Variants in LDLRAD4 observed in about 807,000 individuals in gnomAD.
The protein encoded by LDLRAD4 is low density lipoprotein receptor class A domain containing 4, also known as low-density lipoprotein receptor class A domain-containing protein 4.
LDLRAD4 carries 5 observed loss-of-function variants against 17.0 expected under a neutral mutation model. The observed-to-expected ratio is 0.29, with a 90% CI of 0.15 to 0.62. The LOEUF (loss-of-function observed/expected upper bound fraction) is 0.62, where lower values mean the gene tolerates loss of function less well. Ranked by LOEUF, LDLRAD4 falls within the 20% of genes least tolerant of loss-of-function variation. The pLI is 0.84. For synonymous variants in LDLRAD4, 168 were observed against 171.8 expected (o/e 0.98, Z 0.17); for missense variants, 340 against 424.7 (o/e 0.80, Z 1.75).
At chr18:13,485,858 G>A (rs544085920) in intron 3 of LDLRAD4, among the ~76,000 whole-genome samples, 10 of 152,298 alleles carry the variant, frequency 6.6e-5, no homozygotes, top group Admixed American at 6.5e-4. Flanking sequence ...CAGCCTGGGC[G>A]ACAGAGCAAG....
At chr18:13,475,725 C>A (rs904816249) in intron 3 of LDLRAD4, among the ~76,000 whole-genome samples, 27 of 152,152 alleles carry the variant, frequency 1.8e-4, no homozygotes, top group African/African-American at 5.3e-4. Flanking sequence ...ATCAGGAGTA[C>A]ATATGAAACA....
rs373454201 is a variant in LDLRAD4 at position 13,621,131 on chromosome 18, G to A, written c.196G>A (p.Ala66Thr). Residue 66 changes from alanine (A) to threonine (T), a missense_variant, in exon 4 of 6, where the codon GCC (alanine) becomes ACC (threonine). Ala to Thr is a moderately conservative substitution (Grantham distance 58). Transcript: ENST00000359446. This position sits in a 1 kb window ranked among gnomAD's most constrained non-coding sequence, Gnocchi z 5.5. ...TTCCATGGCAGCGGAGCTGGAGTTC[G>A]CCCAAATCATCATCATCGTCGTGGT... 117 of 1,614,200 alleles carry A rather than the reference G, an allele frequency of 7.2e-5. No individual in the cohort carries two copies. Among genetic ancestry groups the A allele is most frequent in the Admixed American group, 1.0e-4 (6 of 60,028 alleles).
At chr18:13,320,445 G>T (rs982503202) in intron 1 of LDLRAD4, among the ~76,000 whole-genome samples, 2 of 152,204 alleles carry the variant, frequency 1.3e-5, no homozygotes, top group African/African-American at 4.8e-5. Context: ...GTCTGAGCCT[G>T]CTGCTCTCCC....
At chr18:13,569,800 G>A (rs1056186777) in intron 3 of LDLRAD4, among the ~76,000 whole-genome samples, 7 of 152,182 alleles carry the variant, frequency 4.6e-5, no homozygotes, top group African/African-American at 1.2e-4. Context: ...CAGGAGAATC[G>A]CTTGAACCCG....
In LDLRAD4 at chr18:13,641,672, C is replaced by G. The variant is rs941145646; in HGVS notation, c.337-1687C>G. The stretch of plus-strand genomic sequence containing the variant: ...GCGGCCCAGAGGAGCAGCAGGCGCG[C>G]CTCTGGCGGTTTCCTGTCCGGGCTG... On this transcript the variant is annotated intron_variant, in intron 4 of 5. Coordinates refer to ENST00000359446, the Ensembl canonical transcript of LDLRAD4. The G allele has an allele frequency of 4.4e-5, 36 of 817,208 alleles. No individual in the cohort carries two copies. In the South Asian group the frequency reaches 1.9e-3, roughly 43 times the overall value. 50.6% of individuals were successfully genotyped at this position (817,208 alleles called of 1,614,324 possible).
intron 2 of LDLRAD4, among the ~76,000 whole-genome samples, chr18:13,417,840 GTTGTGTGTGTGTGTGGT>G (rs1435172118): frequency 2.6e-5 from 4 of 152,160 alleles, no homozygotes; most frequent in East Asian, 3.9e-4. Context: ...GTGTGTGTGT[GTTGTGTGTGTGTGTGGT>G]TTGTGTGTGT....
At chr18:13,482,591 C>G (rs759944503) in intron 3 of LDLRAD4, among the ~76,000 whole-genome samples, 1 of 152,146 alleles carries the variant, frequency 6.6e-6, no homozygotes, top group Non-Finnish European at 1.5e-5. Context: ...CTGAGAGGGC[C>G]GGGTCAGAGC....
At chr18:13,436,944 T>A (rs1310611334) in intron 2 of LDLRAD4, among the ~76,000 whole-genome samples, 1 of 152,254 alleles carries the variant, frequency 6.6e-6, no homozygotes. Flanking sequence ...ACGCTTTTTA[T>A]ACAGGTTCAC....
intron 3 of LDLRAD4, among the ~76,000 whole-genome samples, chr18:13,443,428 G>A (rs2091163971): frequency 6.6e-6 from 1 of 152,182 alleles, no homozygotes; most frequent in East Asian, 1.9e-4. Context: ...GCTTGCAAAT[G>A]CCAGACGCTT....
chr18:13,564,651 G>C (rs933708498), intron 3 of LDLRAD4, among the ~76,000 whole-genome samples: 1 of 150,810 alleles, frequency 6.6e-6, no homozygotes, highest in Non-Finnish European at 1.5e-5. Flanking sequence ...GTCGTGGCGA[G>C]TGCGGCAGGT....
At chr18:13,605,217 C>G (rs1218859474) in intron 3 of LDLRAD4, among the ~76,000 whole-genome samples, 1 of 152,190 alleles carries the variant, frequency 6.6e-6, no homozygotes, top group Admixed American at 6.5e-5. Context: ...TGTCTCAACA[C>G]TAGAGCCTCT....
chr18:13,435,397 T>C (rs2090585575), intron 2 of LDLRAD4, among the ~76,000 whole-genome samples: 1 of 152,214 alleles, frequency 6.6e-6, no homozygotes, highest in African/African-American at 2.4e-5. Flanking sequence ...ACTCTGATAT[T>C]GGGCTAATGA....
At chr18:13,234,298 C>T (rs973580077) in intron 1 of LDLRAD4, among the ~76,000 whole-genome samples, 6 of 152,196 alleles carry the variant, frequency 3.9e-5, no homozygotes, top group African/African-American at 1.4e-4. Flanking sequence ...TTGCCCTACC[C>T]AGAACTCTCC....
intron 1 of LDLRAD4, among the ~76,000 whole-genome samples, chr18:13,234,057 C>A (rs1231995504): frequency 6.6e-6 from 1 of 152,224 alleles, no homozygotes; most frequent in Non-Finnish European, 1.5e-5. Flanking sequence ...CAGCGTTCGT[C>A]CCAATATGAT....
chr18:13,546,429 T>C (rs1211131499), intron 3 of LDLRAD4, among the ~76,000 whole-genome samples: 2 of 139,872 alleles, frequency 1.4e-5, no homozygotes, highest in Non-Finnish European at 3.0e-5. Context: ...AGTGCAGTGG[T>C]GCAATCATAG....
chr18:13,449,468 C>A lies in LDLRAD4; in HGVS notation c.181+11084C>A, dbSNP rs144951742. Among the ~76,000 whole-genome samples the A allele has an allele frequency of 3.1e-4, 47 of 152,364 alleles. 1 individual carries two copies. The South Asian group carries it at 6.4e-3, about 21-fold the overall frequency. ...AAAATCTTGGGACCATAAAGTGCAT[C>A]TCCCCATTTCAGAGACTGGTGGCTC... On this transcript the variant is annotated intron_variant, in intron 3 of 5. Transcript: ENST00000359446.
intron 3 of LDLRAD4, among the ~76,000 whole-genome samples, chr18:13,479,457 C>T (rs1212595538): frequency 1.3e-5 from 2 of 152,118 alleles, no homozygotes; most frequent in African/African-American, 4.8e-5. Context: ...CCCATCTCTA[C>T]TAAAAATACA....
At chr18:13,468,818 G>C (rs1480804125) in intron 3 of LDLRAD4, among the ~76,000 whole-genome samples, 5 of 142,436 alleles carry the variant, frequency 3.5e-5, no homozygotes, top group Non-Finnish European at 4.5e-5. Flanking sequence ...CATGGACACA[G>C]GAAGGGGAAC....
At chr18:13,226,004 A>G (rs1021373159) in intron 1 of LDLRAD4, among the ~76,000 whole-genome samples, 1 of 151,794 alleles carries the variant, frequency 6.6e-6, no homozygotes, top group Non-Finnish European at 1.5e-5. Context: ...TTTTTTTTAG[A>G]AATTTATTAC....
Sources: allele counts gnomAD v4.1 joint callset (sites outside exome capture counted in the v4.1 genomes callset), GRCh38; gene constraint gnomAD v4.1.1; non-coding constraint Gnocchi (gnomAD v3.1); transcripts MANE v1.5; gene names NCBI Gene and HGNC (gene_info 2026-07-23, HGNC 2026-07-21).